SPATS2: variants seen among roughly 807,000 people sequenced by gnomAD.
SPATS2 encodes the protein spermatogenesis associated serine rich 2.
Under a neutral mutation model 63.7 loss-of-function variants are expected in SPATS2, and 38 were observed. The observed-to-expected ratio is 0.60, with a 90% confidence interval of 0.46 to 0.78. SPATS2 has a LOEUF of 0.78. Ranked by LOEUF, SPATS2 falls within the 30% of genes least tolerant of loss-of-function variation. SPATS2 has a pLI of 0.00. For synonymous variants in SPATS2, 207 were observed against 232.9 expected (o/e 0.89, Z 1.01); for missense variants, 588 against 666.2 (o/e 0.88, Z 1.29).
intron 5 of SPATS2, among the ~76,000 whole-genome samples, chr12:49,489,873 A>G (rs1030178949): frequency 2.0e-5 from 3 of 152,236 alleles, no homozygotes; most frequent in Non-Finnish European, 2.9e-5. Flanking sequence ...TTGAATAAGA[A>G]TTTAAGAGAC....
intron 2 of SPATS2, among the ~76,000 whole-genome samples, chr12:49,459,739 G>GC (rs1945785607): frequency 7.8e-5 from 2 of 25,728 alleles, no homozygotes; most frequent in African/African-American, 1.6e-4. Context: ...CTCATTTCAC[G>GC]TCCCCCCCCC....
At chr12:49,477,191 G>C (rs1946133308) in intron 3 of SPATS2, among the ~76,000 whole-genome samples, 1 of 152,002 alleles carries the variant, frequency 6.6e-6, no homozygotes, top group African/African-American at 2.4e-5. Context: ...ATGAGGGAAA[G>C]TAAGGTAGGA....
At chr12:49,524,008 T>A (rs910264928) in intron 12 of SPATS2, among the ~76,000 whole-genome samples, 2 of 151,950 alleles carry the variant, frequency 1.3e-5, no homozygotes, top group Non-Finnish European at 2.9e-5. Context: ...TCATCATTAA[T>A]CCAGCTTAAA....
intron 3 of SPATS2, among the ~76,000 whole-genome samples, chr12:49,478,966 G>A (rs915872839): frequency 4.6e-5 from 7 of 152,016 alleles, no homozygotes; most frequent in East Asian, 3.9e-4. Context: ...TAGGCAGGTC[G>A]TCTCCTACAG....
chr12:49,473,186 A>G (rs1360815643), intron 3 of SPATS2, among the ~76,000 whole-genome samples: 1 of 152,170 alleles, frequency 6.6e-6, no homozygotes, highest in Non-Finnish European at 1.5e-5. Flanking sequence ...AGGCCGAGAC[A>G]GGCAAATCAC....
intron 2 of SPATS2, among the ~76,000 whole-genome samples, chr12:49,394,318 A>G (rs570129065): frequency 1.8e-4 from 26 of 148,552 alleles, no homozygotes; most frequent in African/African-American, 4.1e-4. Flanking sequence ...CAGTCTGGGG[A>G]ACAGAGCAAG....
intron 8 of SPATS2, among the ~76,000 whole-genome samples, chr12:49,498,643 C>T (rs1401583761): frequency 6.6e-6 from 1 of 152,100 alleles, no homozygotes; most frequent in East Asian, 1.9e-4. Flanking sequence ...TTAACAGTTT[C>T]TATTCTGCTG....
chr12:49,380,863 C>T (rs1490042549), intron 2 of SPATS2, among the ~76,000 whole-genome samples: 1 of 150,400 alleles, frequency 6.6e-6, no homozygotes, highest in Non-Finnish European at 1.5e-5. Context: ...AGTGGAATTG[C>T]TGGGTCATAT....
chr12:49,415,548 A>G (rs562608834), intron 2 of SPATS2, among the ~76,000 whole-genome samples: 54 of 152,170 alleles, frequency 3.5e-4, no homozygotes, highest in African/African-American at 1.2e-3. Flanking sequence ...TTGATATTCT[A>G]CCTGGAAATC....
At chr12:49,492,175 CTG>C (rs1056267439) in intron 6 of SPATS2, among the ~76,000 whole-genome samples, 6 of 151,820 alleles carry the variant, frequency 4.0e-5, no homozygotes, top group Non-Finnish European at 7.4e-5. Flanking sequence ...ACATAGATAA[CTG>C]TGAGTGTCCT....
chr12:49,441,638 A>C (rs1945420896), intron 2 of SPATS2: 1 of 152,150 alleles, frequency 6.6e-6, no homozygotes, highest in African/African-American at 2.4e-5. Flanking sequence ...GGTTGTACTG[A>C]AGATCAGTAC....
intron 2 of SPATS2, among the ~76,000 whole-genome samples, chr12:49,427,887 A>C (rs1384132252): frequency 6.6e-6 from 1 of 152,144 alleles, no homozygotes; most frequent in African/African-American, 2.4e-5. Flanking sequence ...CCCCTTGATC[A>C]GTATTTCTAG....
intron 2 of SPATS2, among the ~76,000 whole-genome samples, chr12:49,374,958 C>CAAAAAA (rs10687716): frequency 1.6e-4 from 4 of 24,732 alleles, no homozygotes; most frequent in Non-Finnish European, 2.5e-4. Context: ...GGATCTGTCT[C>CAAAAAA]AAAAAAAAAA....
At chr12:49,467,632 T>A (rs1271448355) in intron 3 of SPATS2, among the ~76,000 whole-genome samples, 3 of 152,232 alleles carry the variant, frequency 2.0e-5, no homozygotes, top group Admixed American at 1.3e-4. Context: ...TGACTATATA[T>A]CAGAATCATC....
At chr12:49,513,939 G>A (rs147807429) in intron 9 of SPATS2, among the ~76,000 whole-genome samples, 2,638 of 152,122 alleles carry the variant, frequency 0.017, 30 homozygotes, top group East Asian at 0.049. Context: ...GGCGGATCAC[G>A]AGGTCAGGAG....
At chr12:49,442,192 CA>C (rs1385978304) in intron 2 of SPATS2, among the ~76,000 whole-genome samples, 2 of 152,150 alleles carry the variant, frequency 1.3e-5, no homozygotes, top group East Asian at 3.9e-4. Context: ...TCTGTTGTAC[CA>C]AAAAATAACA....
At chr12:49,457,693 A>T (rs1945744084) in intron 2 of SPATS2, among the ~76,000 whole-genome samples, 1 of 152,094 alleles carries the variant, frequency 6.6e-6, no homozygotes, top group South Asian at 2.1e-4. Context: ...TCAGCCTCCC[A>T]AAGTGCTGGG....
chr12:49,446,741 C>T (rs1945517790), intron 2 of SPATS2, among the ~76,000 whole-genome samples: 1 of 152,166 alleles, frequency 6.6e-6, no homozygotes, highest in South Asian at 2.1e-4. Context: ...CCAGATAATC[C>T]AGACTAATCT....
At chr12:49,457,728 C>T (rs989233979) in intron 2 of SPATS2, among the ~76,000 whole-genome samples, 10 of 152,112 alleles carry the variant, frequency 6.6e-5, no homozygotes, top group Admixed American at 1.3e-4. Context: ...CCACCATGCC[C>T]GGCCTCATCC....
Sources: gnomAD v4.1 joint callset for allele counts (sites outside exome capture counted in the v4.1 genomes callset) on GRCh38, gnomAD v4.1.1 for gene constraint, MANE v1.5 for transcripts, NCBI Gene and HGNC (gene_info 2026-07-23, HGNC 2026-07-21) for gene names.